STXBP5L: variants seen among roughly 807,000 people sequenced by gnomAD.
STXBP5L encodes syntaxin-binding protein 5-like.
STXBP5L carries 65 observed loss-of-function variants against 144.5 expected under a neutral mutation model. The observed-to-expected ratio is 0.45, with a 90% confidence interval of 0.37 to 0.55. The LOEUF (loss-of-function observed/expected upper bound fraction) is 0.55, where lower values mean the gene tolerates loss of function less well. STXBP5L is among the 20% of genes least tolerant of loss of function. The pLI is 0.00. For synonymous variants in STXBP5L, 505 were observed against 469.6 expected, an observed-to-expected ratio of 1.08 and a Z score of -0.97; for missense variants, 1,298 against 1,405.5, an observed-to-expected ratio of 0.92 and a Z score of 1.22.
chr3:120,937,630 G>C (rs1710333872), intron 2 of STXBP5L, among the ~76,000 whole-genome samples: 1 of 152,088 alleles, frequency 6.6e-6, no homozygotes, highest in Admixed American at 6.5e-5. Context: ...GAAAGTTGTT[G>C]ATTTTCAGTT....
intron 3 of STXBP5L, among the ~76,000 whole-genome samples, chr3:121,029,222 G>C (rs1211482572): frequency 6.6e-6 from 1 of 152,068 alleles, no homozygotes; most frequent in African/African-American, 2.4e-5. Flanking sequence ...ATATAGCCAA[G>C]ACAATCCTAA....
At chr3:121,365,895 T>C (rs935466088) in intron 20 of STXBP5L, among the ~76,000 whole-genome samples, 2 of 151,892 alleles carry the variant, frequency 1.3e-5, no homozygotes, top group African/African-American at 2.4e-5. Flanking sequence ...ATTATAAGTA[T>C]TTATAGCTAC....
intron 19 of STXBP5L, among the ~76,000 whole-genome samples, chr3:121,313,143 T>C (rs2043608736): frequency 7.4e-6 from 1 of 135,290 alleles, no homozygotes; most frequent in South Asian, 2.5e-4. Context: ...AGAGGGGTCC[T>C]CACTTCCCAG....
intron 5 of STXBP5L, among the ~76,000 whole-genome samples, chr3:121,069,911 G>A (rs2041728430): frequency 6.6e-6 from 1 of 152,076 alleles, no homozygotes; most frequent in African/African-American, 2.4e-5. Context: ...TGCTGTTTTA[G>A]TCTTTTTGAT....
At chr3:120,991,167 A>G (rs1387327325) in intron 3 of STXBP5L, among the ~76,000 whole-genome samples, 2 of 151,990 alleles carry the variant, frequency 1.3e-5, no homozygotes, top group Admixed American at 6.6e-5. Flanking sequence ...ACAAGTGGGC[A>G]AAGGATATGA....
chr3:121,280,731 G>A (rs892101930), intron 19 of STXBP5L, among the ~76,000 whole-genome samples: 3 of 151,780 alleles, frequency 2.0e-5, no homozygotes, highest in African/African-American at 7.3e-5. Flanking sequence ...AAAGGTTGCA[G>A]ATGAAAATGC....
chr3:121,399,143 A>G (rs1427291572), intron 22 of STXBP5L, among the ~76,000 whole-genome samples: 1 of 152,076 alleles, frequency 6.6e-6, no homozygotes, highest in Non-Finnish European at 1.5e-5. Flanking sequence ...GTACTTCATT[A>G]TACTCTCCTT....
At chr3:121,305,312 G>T (rs931803884) in intron 19 of STXBP5L, among the ~76,000 whole-genome samples, 2 of 152,134 alleles carry the variant, frequency 1.3e-5, no homozygotes, top group Non-Finnish European at 2.9e-5. Flanking sequence ...CCAACTGTTT[G>T]TCTGAAACCA....
At chr3:120,996,813 T>C (rs2108010378) in intron 3 of STXBP5L, among the ~76,000 whole-genome samples, 1 of 152,302 alleles carries the variant, frequency 6.6e-6, no homozygotes, top group African/African-American at 2.4e-5. Context: ...TTTCCAACTT[T>C]TATTCTAGGT....
intron 20 of STXBP5L, among the ~76,000 whole-genome samples, chr3:121,343,468 G>C (rs2044815975): frequency 6.6e-6 from 1 of 152,132 alleles, no homozygotes; most frequent in South Asian, 2.1e-4. Context: ...ATCCCTGTTT[G>C]CAGATGACAT....
intron 5 of STXBP5L, among the ~76,000 whole-genome samples, chr3:121,083,241 T>C (rs1352914927): frequency 6.6e-6 from 1 of 152,122 alleles, no homozygotes; most frequent in African/African-American, 2.4e-5. Flanking sequence ...TTTACATTTC[T>C]ATTCATCAGG....
At chr3:120,960,709 A>G (rs938205174) in intron 3 of STXBP5L, among the ~76,000 whole-genome samples, 13 of 150,726 alleles carry the variant, frequency 8.6e-5, no homozygotes, top group African/African-American at 2.7e-4. Context: ...GAATTGAACA[A>G]TGAGAACACT....
intron 2 of STXBP5L, among the ~76,000 whole-genome samples, chr3:120,913,196 T>C (rs1320716285): frequency 2.0e-5 from 3 of 152,062 alleles, no homozygotes; most frequent in Non-Finnish European, 4.4e-5. Context: ...CGTTATACTA[T>C]GAACTCTTTG....
At chr3:121,309,886 G>T (rs1013962413) in intron 19 of STXBP5L, among the ~76,000 whole-genome samples, 2 of 152,142 alleles carry the variant, frequency 1.3e-5, no homozygotes, top group African/African-American at 2.4e-5. Context: ...TCTTGGAAAA[G>T]AAGAACAAAA....
At chr3:121,031,385 T>A (rs1560027670) in intron 3 of STXBP5L, among the ~76,000 whole-genome samples, 1 of 123,126 alleles carries the variant, frequency 8.1e-6, no homozygotes. Context: ...TGTATATATT[T>A]CTATTTCTGT....
At chr3:121,087,011 G>A (rs1330240156) in intron 5 of STXBP5L, among the ~76,000 whole-genome samples, 1 of 151,852 alleles carries the variant, frequency 6.6e-6, no homozygotes, top group Non-Finnish European at 1.5e-5. Context: ...TTCTTTTACT[G>A]ATTTCTAGTT....
chr3:121,092,905 G>T (rs185231009), intron 5 of STXBP5L, among the ~76,000 whole-genome samples: 1 of 152,112 alleles, frequency 6.6e-6, no homozygotes, highest in African/African-American at 2.4e-5. Flanking sequence ...ATTGGCTGTG[G>T]GTTTGTCATA....
At chr3:120,910,889 G>A (rs1411147409) in intron 2 of STXBP5L, among the ~76,000 whole-genome samples, 4 of 152,096 alleles carry the variant, frequency 2.6e-5, no homozygotes, top group African/African-American at 9.7e-5. Flanking sequence ...GCTACTTTGT[G>A]AAATTTGTGT....
At chr3:121,239,590 C>T (rs1009362790) in intron 13 of STXBP5L, among the ~76,000 whole-genome samples, 1 of 150,696 alleles carries the variant, frequency 6.6e-6, no homozygotes, top group Admixed American at 6.6e-5. Flanking sequence ...GCATCATTCT[C>T]AGTAAACTAT....
Sources: gnomAD v4.1 joint callset for allele counts (sites outside exome capture counted in the v4.1 genomes callset) on GRCh38, gnomAD v4.1.1 for gene constraint, MANE v1.5 for transcripts, NCBI Gene and HGNC (gene_info 2026-07-23, HGNC 2026-07-21) for gene names.